HDAC9: variants seen among roughly 807,000 people sequenced by gnomAD.
HDAC9 encodes MEF-2 interacting transcription repressor (MITR) protein.
HDAC9 carries 41 observed loss-of-function variants against 139.4 expected under a neutral mutation model. That is an observed-to-expected ratio of 0.29 (90% CI 0.23 to 0.38). The LOEUF is 0.38. HDAC9 is among the 10% of genes least tolerant of loss of function. HDAC9 has a pLI of 1.00. For missense variants in HDAC9, 1,147 were observed against 1,297.0 expected (o/e 0.88, Z 1.78); for synonymous variants, 517 against 476.2 (o/e 1.09, Z -1.12).
At chr7:18,926,690 T>C (rs987055013) in intron 22 of HDAC9, among the ~76,000 whole-genome samples, 9 of 152,168 alleles carry the variant, frequency 5.9e-5, no homozygotes, top group Non-Finnish European at 1.3e-4. Flanking sequence ...AGTCAATCAT[T>C]CTTGCCATTT....
At chr7:18,132,107 C>A (rs567146716) in intron 1 of HDAC9, among the ~76,000 whole-genome samples, 6 of 152,170 alleles carry the variant, frequency 3.9e-5, no homozygotes, top group African/African-American at 1.2e-4. Context: ...TTCTCTATTG[C>A]GTGTTCATTT....
At chr7:18,887,244 C>G (rs1198973291) in intron 22 of HDAC9, among the ~76,000 whole-genome samples, 1 of 152,134 alleles carries the variant, frequency 6.6e-6, no homozygotes, top group Non-Finnish European at 1.5e-5. Flanking sequence ...ATGCTGGGTT[C>G]CGCTTCCAGA....
chr7:18,919,218 G>A (rs992512048), intron 22 of HDAC9, among the ~76,000 whole-genome samples: 6 of 151,914 alleles, frequency 3.9e-5, no homozygotes, highest in South Asian at 2.1e-4. Context: ...GCCCCTTATC[G>A]TGATACCTAA....
chr7:18,157,710 G>T (rs183846767), intron 1 of HDAC9, among the ~76,000 whole-genome samples: 85 of 152,118 alleles, frequency 5.6e-4, no homozygotes, highest in African/African-American at 1.7e-3. Flanking sequence ...TATGTGCTCA[G>T]TAAGGGTTGT....
At chr7:18,674,058 C>A (rs1795819637) in intron 12 of HDAC9, among the ~76,000 whole-genome samples, 1 of 151,956 alleles carries the variant, frequency 6.6e-6, no homozygotes, top group Admixed American at 6.6e-5. Flanking sequence ...ACCATTTAGA[C>A]AGTGGGATAG....
At chr7:18,748,028 C>G (rs919305308) in intron 13 of HDAC9, among the ~76,000 whole-genome samples, 2 of 152,058 alleles carry the variant, frequency 1.3e-5, no homozygotes, top group African/African-American at 4.8e-5. Context: ...AAATATACTT[C>G]GATGGTCATT....
intron 2 of HDAC9, among the ~76,000 whole-genome samples, chr7:18,251,799 G>A (rs1584851319): frequency 1.3e-5 from 2 of 152,000 alleles, no homozygotes; most frequent in Non-Finnish European, 2.9e-5. Context: ...ACAGGTGAAT[G>A]ACATTTTTGT....
At chr7:18,349,310 ACACACAC>A (rs1355447242) in intron 1 of HDAC9, among the ~76,000 whole-genome samples, 15 of 12,336 alleles carry the variant, frequency 1.2e-3, no homozygotes, top group Non-Finnish European at 4.0e-3. Context: ...GAACATCTAC[ACACACAC>A]ACACACACAC....
intron 23 of HDAC9, among the ~76,000 whole-genome samples, chr7:18,953,552 C>T (rs920218647): frequency 6.6e-6 from 1 of 152,132 alleles, no homozygotes; most frequent in Non-Finnish European, 1.5e-5. Flanking sequence ...TACACACAGA[C>T]ATCTGCATAG....
intron 7 of HDAC9, among the ~76,000 whole-genome samples, chr7:18,634,230 A>G (rs557176400): frequency 2.0e-5 from 3 of 151,916 alleles, no homozygotes; most frequent in African/African-American, 7.2e-5. Context: ...TCTGAACCTC[A>G]TGGGTTAACG....
intron 22 of HDAC9, among the ~76,000 whole-genome samples, chr7:18,891,627 T>C (rs919308722): frequency 3.3e-5 from 5 of 152,164 alleles, no homozygotes; most frequent in Non-Finnish European, 7.4e-5. Context: ...TCCAGGGTGC[T>C]TGGGGCCCTA....
At chr7:18,609,404 T>G (rs1836459937) in intron 6 of HDAC9, among the ~76,000 whole-genome samples, 1 of 152,130 alleles carries the variant, frequency 6.6e-6, no homozygotes, top group African/African-American at 2.4e-5. Flanking sequence ...CTAGTGATTA[T>G]CATGTAGGAC....
At chr7:18,544,442 A>G (rs567710981) in intron 2 of HDAC9, among the ~76,000 whole-genome samples, 9 of 152,242 alleles carry the variant, frequency 5.9e-5, no homozygotes, top group African/African-American at 1.2e-4. Context: ...CCAGGCATCA[A>G]TGTGGAGATG....
At chr7:18,733,320 C>T (rs939042350) in intron 13 of HDAC9, among the ~76,000 whole-genome samples, 2 of 148,430 alleles carry the variant, frequency 1.3e-5, no homozygotes, top group African/African-American at 2.5e-5. Flanking sequence ...TGTATATATA[C>T]ACATGTATAT....
intron 2 of HDAC9, among the ~76,000 whole-genome samples, chr7:18,551,162 G>A (rs1004403789): frequency 1.1e-4 from 17 of 152,178 alleles, no homozygotes; most frequent in African/African-American, 4.1e-4. Context: ...CATCTGGAAG[G>A]TTAGTGTTGC....
chr7:18,130,798 A>G (rs1333014739), intron 1 of HDAC9, among the ~76,000 whole-genome samples: 1 of 152,034 alleles, frequency 6.6e-6, no homozygotes, highest in Non-Finnish European at 1.5e-5. Context: ...TTGCATGTTC[A>G]TCTGCTTTTC....
intron 11 of HDAC9, among the ~76,000 whole-genome samples, chr7:18,660,760 G>C (rs1360664009): frequency 6.6e-6 from 1 of 152,114 alleles, no homozygotes. Context: ...CTCAGGCCTT[G>C]TGGGCGAACA....
intron 17 of HDAC9, among the ~76,000 whole-genome samples, chr7:18,803,559 A>C (rs374004969): frequency 1.3e-5 from 2 of 152,266 alleles, no homozygotes; most frequent in African/African-American, 2.4e-5. Flanking sequence ...CTAAGTACAC[A>C]GTTCAAAGTT....
At chr7:18,532,842 A>G (rs182617684) in intron 2 of HDAC9, among the ~76,000 whole-genome samples, 15 of 151,336 alleles carry the variant, frequency 9.9e-5, no homozygotes, top group Non-Finnish European at 1.9e-4. Flanking sequence ...TAACTTTAAT[A>G]TTTCTAAATA....
Sources: allele counts gnomAD v4.1 joint callset (sites outside exome capture counted in the v4.1 genomes callset), GRCh38; gene constraint gnomAD v4.1.1; transcripts MANE v1.5; gene names NCBI Gene and HGNC (gene_info 2026-07-23, HGNC 2026-07-21).